The following ARIH1 variants were observed in gnomAD, a reference collection of about 807,000 sequenced individuals.
ARIH1 encodes the protein ariadne RBR E3 ubiquitin protein ligase 1, also known as E3 ubiquitin-protein ligase ARIH1.
A neutral mutation model predicts 85.0 loss-of-function variants in ARIH1; 8 were observed. The observed-to-expected ratio is 0.09, with a 90% confidence interval of 0.06 to 0.17. The LOEUF (loss-of-function observed/expected upper bound fraction) is 0.17, where lower values mean the gene tolerates loss of function less well. Among genes scored for constraint, ARIH1 ranks in the 10% least tolerant of loss-of-function variants. ARIH1 has a pLI of 1.00. For missense variants in ARIH1, 311 were observed against 718.1 expected (o/e 0.43, Z 6.48); for synonymous variants, 238 against 253.6 (o/e 0.94, Z 0.59).
chr15:72,506,502 C>CT (rs905683329), intron 1 of ARIH1, among the ~76,000 whole-genome samples: 5 of 151,594 alleles, frequency 3.3e-5, no homozygotes, highest in Non-Finnish European at 5.9e-5. Context: ...GGATTATTTT[C>CT]TTTTTTGAGT....
At chr15:72,545,918 T>TG (rs2064126881) in intron 3 of ARIH1, among the ~76,000 whole-genome samples, 1 of 20,250 alleles carries the variant, frequency 4.9e-5, no homozygotes, top group African/African-American at 5.4e-5. Flanking sequence ...TTAAGATGTC[T>TG]AAGATAACTT....
At chr15:72,518,941 T>C (rs1261475517) in intron 2 of ARIH1, among the ~76,000 whole-genome samples, 1 of 152,130 alleles carries the variant, frequency 6.6e-6, no homozygotes, top group Admixed American at 6.5e-5. Flanking sequence ...CAGGATTCTA[T>C]TCCATTGGGT....
chr15:72,562,470 T>G (rs2064201248), intron 6 of ARIH1, among the ~76,000 whole-genome samples: 1 of 152,204 alleles, frequency 6.6e-6, no homozygotes, highest in Non-Finnish European at 1.5e-5. Flanking sequence ...AAATAGTGTA[T>G]TATTTGAAAT....
In ARIH1 at chr15:72,583,579, CT is replaced by C; in HGVS notation, c.*295del. The C allele has an allele frequency of 7.4e-5, 22 of 296,684 alleles. No homozygotes were observed. Among genetic ancestry groups the C allele is most frequent in the South Asian group, 3.0e-4 (3 of 10,150 alleles). 18.4% of individuals were successfully genotyped at this position (296,684 alleles called of 1,614,324 possible). A position where few individuals can be genotyped will look rare whatever the true frequency, so the allele number is the denominator to read the frequency against. On this transcript the variant is annotated 3_prime_UTR_variant, in exon 14 of 14. Transcript: ENST00000379887. Reference sequence around the variant, plus strand: ...GTAGCTTCATTCTCAAAGCTGACTCCTTTTTTTTCTTTTTCCTTTTCCTGAG... The same window carrying C: ...GTAGCTTCATTCTCAAAGCTGACTCCTTTTTTTCTTTTTCCTTTTCCTGAG...
At chr15:72,577,175 G>A (rs926807850) in intron 11 of ARIH1, among the ~76,000 whole-genome samples, 2 of 151,326 alleles carry the variant, frequency 1.3e-5, no homozygotes, top group Admixed American at 6.6e-5. Flanking sequence ...AGTAGAGACG[G>A]GATTTCATCA....
At chr15:72,521,198 TGCC>T (rs755865200) in intron 2 of ARIH1, among the ~76,000 whole-genome samples, 1 of 15,934 alleles carries the variant, frequency 6.3e-5, no homozygotes, top group Non-Finnish European at 1.5e-4. Flanking sequence ...ATGTATTTAA[TGCC>T]CCCCCCCCCC....
rs59841210 is a variant in ARIH1, at chr15:72,534,959, C to CTTTTTTTTTT, written c.444-9859_444-9850dup. On this transcript the variant is annotated intron_variant, in intron 2 of 13. Coordinates refer to ENST00000379887, the MANE Select transcript of ARIH1 (RefSeq NM_005744.5). ...CCTATGTCTTCTTATTGTCTGTATT[C>CTTTTTTTTTT]TTTTTTTTTTTGAGACGGAGTCTCG... Among the ~76,000 whole-genome samples, 201 of 73,904 alleles carry CTTTTTTTTTT rather than the reference C, an allele frequency of 2.7e-3. 31 individuals carry two copies. The East Asian group carries it at 0.029, about 11-fold the overall frequency. 48.5% of individuals were successfully genotyped at this position (73,904 alleles called of 152,430 possible). A position where few individuals can be genotyped will look rare whatever the true frequency, so the allele number is the denominator to read the frequency against.
chr15:72,487,355 G>C (rs1278004872), intron 1 of ARIH1, among the ~76,000 whole-genome samples: 1 of 152,128 alleles, frequency 6.6e-6, no homozygotes, highest in East Asian at 1.9e-4. Flanking sequence ...TAATTACCTG[G>C]TAATATGTCC....
At chr15:72,567,038 A>C in intron 8 of ARIH1, 68 bp from the exon 9 acceptor site, 1 of 1,154,244 alleles carries the variant, frequency 8.7e-7, no homozygotes, top group Non-Finnish European at 1.3e-6. Flanking sequence ...ACTATAGTTA[A>C]GTGCTAAAGT....
intron 9 of ARIH1, among the ~76,000 whole-genome samples, chr15:72,568,447 A>G (rs2064230243): frequency 6.6e-6 from 1 of 152,204 alleles, no homozygotes; most frequent in Non-Finnish European, 1.5e-5. Flanking sequence ...TCCTACTTGT[A>G]AGCCCCAAAG....
At position 72,591,219 on chromosome 15, in the gene ARIH1, C is replaced by CAAAAAAAAAAA. The variant is rs972468873; in HGVS notation, c.*7941_*7951dup. On this transcript the variant is annotated 3_prime_UTR_variant, in exon 14 of 14. Transcript: ENST00000379887. ...CCTGGGCGACAGAGAGACTCTGTCTCAAAAAAAAAAAAAAAAAAAAAAAAG... is the reference window on the plus strand; with the variant it reads ...CCTGGGCGACAGAGAGACTCTGTCTCAAAAAAAAAAAAAAAAAAAAAAAAAAAAAAAAAAAG... 2 of 44,088 alleles carry CAAAAAAAAAAA rather than the reference C, an allele frequency of 4.5e-5. No individual in the cohort carries two copies. Among genetic ancestry groups the CAAAAAAAAAAA allele is most frequent in the African/African-American group, 1.4e-4 (2 of 14,606 alleles). The allele number at this position is 44,088 out of a possible 1,614,324, so 2.7% of individuals were successfully genotyped here.
At chr15:72,543,650 A>G (rs1256682359) in intron 2 of ARIH1, among the ~76,000 whole-genome samples, 3 of 152,186 alleles carry the variant, frequency 2.0e-5, no homozygotes, top group Admixed American at 6.5e-5. Context: ...AGCCTTTGAC[A>G]CAAAGCCTAA....
chr15:72,517,933 A>G (rs192487218), intron 1 of ARIH1, 134 bp from the exon 2 acceptor site: 26 of 604,048 alleles, frequency 4.3e-5, no homozygotes, highest in Non-Finnish European at 7.0e-5. Flanking sequence ...ATTTCCTTAG[A>G]GGAATAAAGA....
rs549773253 is a variant in ARIH1 at position 72,534,037 on chromosome 15, C to T, written c.444-10783C>T. Among the ~76,000 whole-genome samples the T allele has an allele frequency of 2.2e-4, 34 of 152,188 alleles. 1 individual carries two copies. The Middle Eastern group carries it at 0.01, about 46-fold the overall frequency. On this transcript the variant is annotated intron_variant, in intron 2 of 13. Transcript: ENST00000379887. ...ATGGTATATTGACATAGTAACTATT[C>T]AGCAGTGCAAAATAAATGAGCAAAA...
chr15:72,492,559 A>G (rs1271938060), intron 1 of ARIH1, among the ~76,000 whole-genome samples: 1 of 152,226 alleles, frequency 6.6e-6, no homozygotes, highest in Non-Finnish European at 1.5e-5. Context: ...GTGGGCCTCA[A>G]ATTACTTGTC....
chr15:72,514,572 G>GCT (rs2140409070), intron 1 of ARIH1, among the ~76,000 whole-genome samples: 1 of 152,022 alleles, frequency 6.6e-6, no homozygotes, highest in Non-Finnish European at 1.5e-5. Flanking sequence ...TGGGCACGGT[G>GCT]GTGCATGCCT....
In ARIH1 at chr15:72,596,011, G is replaced by A. The variant is rs912453350; in HGVS notation, c.*12719G>A. On this transcript the variant is annotated 3_prime_UTR_variant, in exon 14 of 14. Coordinates refer to ENST00000379887, the MANE Select transcript of ARIH1 (RefSeq NM_005744.5). Reference sequence around the variant, plus strand: ...AACTTTTATATTTTTAGTAGAAACGGGGTTTCACCATATTGGCCAGGCTGG... The same window carrying A: ...AACTTTTATATTTTTAGTAGAAACGAGGTTTCACCATATTGGCCAGGCTGG... 2.6e-5 allele frequency: 4 copies of A among 151,906 alleles called. No homozygotes were observed. The highest frequency in any genetic ancestry group is 7.3e-5 in the African/African-American group (3 of 41,360). The allele number at this position is 151,906 out of a possible 1,614,324, so 9.4% of individuals were successfully genotyped here.
At chr15:72,539,775 A>G (rs941338696) in intron 2 of ARIH1, among the ~76,000 whole-genome samples, 1 of 152,222 alleles carries the variant, frequency 6.6e-6, no homozygotes, top group African/African-American at 2.4e-5. Flanking sequence ...TTTTGGCCAG[A>G]CTTCCTCAGT....
At chr15:72,562,034 T>C (rs1467690739) in intron 6 of ARIH1, among the ~76,000 whole-genome samples, 1 of 152,184 alleles carries the variant, frequency 6.6e-6, no homozygotes, top group Non-Finnish European at 1.5e-5. Flanking sequence ...CATCTCTCCA[T>C]AGATCTTGAC....
Sources: allele counts gnomAD v4.1 joint callset (sites outside exome capture counted in the v4.1 genomes callset), GRCh38; gene constraint gnomAD v4.1.1; transcripts MANE v1.5; gene names NCBI Gene and HGNC (gene_info 2026-07-23, HGNC 2026-07-21).